The following FRMD4A variants were observed in gnomAD, a reference collection of about 807,000 sequenced individuals.
The protein encoded by FRMD4A is FERM domain-containing protein 4A.
FRMD4A carries 29 observed loss-of-function variants against 129.1 expected under a neutral mutation model. The ratio of observed to expected loss-of-function variants is 0.22; its 90% CI spans 0.17 to 0.31. FRMD4A has a LOEUF of 0.31. Among genes scored for constraint, FRMD4A ranks in the 10% least tolerant of loss-of-function variants. The pLI, the probability that FRMD4A is intolerant of heterozygous loss-of-function variation, is 1.00. For synonymous variants in FRMD4A, 634 were observed against 571.6 expected, an observed-to-expected ratio of 1.11 and a Z score of -1.56; for missense variants, 1,272 against 1,375.8, an observed-to-expected ratio of 0.92 and a Z score of 1.19.
chr10:13,919,735 C>G (rs535947182), intron 2 of FRMD4A, among the ~76,000 whole-genome samples: 1 of 152,008 alleles, frequency 6.6e-6, no homozygotes, highest in South Asian at 2.1e-4. Context: ...GTTAGGAGTT[C>G]GAGACCAGCC....
At chr10:14,328,937 G>A (rs76036565) in intron 2 of FRMD4A, among the ~76,000 whole-genome samples, 1 of 152,176 alleles carries the variant, frequency 6.6e-6, no homozygotes, top group Admixed American at 6.5e-5. Context: ...CCAGTGAAAT[G>A]AGAAGTCAGC....
rs1249483346 is a variant in FRMD4A at position 14,111,597 on chromosome 10, A to G, written c.45+218461T>C. ...GAATTTTAATAAAATTAATCCATCA[A>G]TTCACTGTGGATTAATTCATCCACA... On this transcript the variant is annotated intron_variant, in intron 2 of 24. Transcript: ENST00000357447. Among the ~76,000 whole-genome samples the G allele has an allele frequency of 3.3e-5, 5 of 152,144 alleles. No homozygotes were observed. In the East Asian group the frequency reaches 7.7e-4, roughly 24 times the overall value.
At chr10:14,089,721 C>G (rs1836547616) in intron 2 of FRMD4A, among the ~76,000 whole-genome samples, 1 of 151,832 alleles carries the variant, frequency 6.6e-6, no homozygotes, top group Non-Finnish European at 1.5e-5. Flanking sequence ...GGGAAAATAC[C>G]TCCCCGGCCC....
At chr10:13,848,203 A>T (rs10796138) in intron 3 of FRMD4A, among the ~76,000 whole-genome samples, 4 of 152,158 alleles carry the variant, frequency 2.6e-5, no homozygotes, top group African/African-American at 4.8e-5. Flanking sequence ...GGCACCATAG[A>T]GAGGACATGG....
intron 2 of FRMD4A, among the ~76,000 whole-genome samples, chr10:14,234,719 C>T (rs1843744280): frequency 6.6e-6 from 1 of 152,212 alleles, no homozygotes; most frequent in Non-Finnish European, 1.5e-5. Flanking sequence ...AAAACCAATT[C>T]TCCCGTATTA....
At chr10:13,880,203 C>T (rs1446669862) in intron 2 of FRMD4A, among the ~76,000 whole-genome samples, 3 of 152,082 alleles carry the variant, frequency 2.0e-5, no homozygotes, top group African/African-American at 7.2e-5. Flanking sequence ...GAGTCCCAGA[C>T]GGAATTCCTG....
chr10:14,238,074 G>A (rs749462398), intron 2 of FRMD4A, among the ~76,000 whole-genome samples: 3 of 152,176 alleles, frequency 2.0e-5, no homozygotes, highest in Non-Finnish European at 2.9e-5. Context: ...ACTGCTCCCC[G>A]CTGGAGTCCA....
intron 2 of FRMD4A, among the ~76,000 whole-genome samples, chr10:13,994,311 C>G (rs1031734537): frequency 6.6e-6 from 1 of 151,522 alleles, no homozygotes; most frequent in African/African-American, 2.4e-5. Flanking sequence ...TCCCGAGTAG[C>G]TGGGACTACA....
chr10:13,691,986 C>CATGG (rs2085739714), intron 15 of FRMD4A, among the ~76,000 whole-genome samples: 1 of 152,074 alleles, frequency 6.6e-6, no homozygotes, highest in Non-Finnish European at 1.5e-5. Context: ...ATGGCCAACT[C>CATGG]CCAAGCTTCA....
At chr10:14,308,582 C>T (rs1846431093) in intron 2 of FRMD4A, among the ~76,000 whole-genome samples, 1 of 152,178 alleles carries the variant, frequency 6.6e-6, no homozygotes, top group Non-Finnish European at 1.5e-5. Flanking sequence ...CCTCCTTCCC[C>T]TGGCCCCTAT....
At chr10:14,127,783 C>T (rs2131821179) in intron 2 of FRMD4A, among the ~76,000 whole-genome samples, 1 of 152,292 alleles carries the variant, frequency 6.6e-6, no homozygotes, top group Non-Finnish European at 1.5e-5. Context: ...TACCTTTGGT[C>T]CATCTCCTCC....
chr10:13,975,135 CTGTG>C (rs998789687), intron 2 of FRMD4A, among the ~76,000 whole-genome samples: 1 of 149,182 alleles, frequency 6.7e-6, no homozygotes, highest in Non-Finnish European at 1.5e-5. Context: ...ATGTATGTAC[CTGTG>C]TGTGTGTGTC....
At chr10:13,903,471 G>A (rs12767012) in intron 2 of FRMD4A, among the ~76,000 whole-genome samples, 3,487 of 152,298 alleles carry the variant, frequency 0.023, 57 homozygotes, top group Middle Eastern at 0.031. Context: ...GCTTATGCCT[G>A]TAATTCCAGC....
chr10:13,767,639 G>A (rs923513011), intron 6 of FRMD4A, among the ~76,000 whole-genome samples: 2 of 152,208 alleles, frequency 1.3e-5, no homozygotes, highest in African/African-American at 4.8e-5. Context: ...TGGGATTCTG[G>A]GCTTTCCCCA....
intron 2 of FRMD4A, among the ~76,000 whole-genome samples, chr10:14,296,847 C>T (rs1196932181): frequency 1.3e-5 from 2 of 152,184 alleles, no homozygotes; most frequent in South Asian, 2.1e-4. Flanking sequence ...ATACAACTCC[C>T]TTTCCCCCCA....
At chr10:14,010,641 A>G (rs12779096) in intron 2 of FRMD4A, among the ~76,000 whole-genome samples, 24,481 of 143,126 alleles carry the variant, frequency 0.17, 2,633 homozygotes, top group East Asian at 0.42. Context: ...TTACATATTC[A>G]AAATTAATTG....
At position 13,928,315 on chromosome 10, in the gene FRMD4A, T is replaced by C. The variant is rs890802956; in HGVS notation, c.46-69403A>G. Among the ~76,000 whole-genome samples, 5 of 148,214 alleles carry C rather than the reference T, an allele frequency of 3.4e-5. No homozygotes were observed. The East Asian group carries it at 9.7e-4, about 29-fold the overall frequency. ...GAAAGGCCCAGCCTTACTTAACATATCTTTAGCTGGATTTTTTTTTTTGTT... is the reference window on the plus strand; with the variant it reads ...GAAAGGCCCAGCCTTACTTAACATACCTTTAGCTGGATTTTTTTTTTTGTT... On this transcript the variant is annotated intron_variant, in intron 2 of 24. Coordinates refer to ENST00000357447, the MANE Select transcript of FRMD4A (RefSeq NM_018027.5).
chr10:14,075,466 G>C (rs1331737986), intron 2 of FRMD4A, among the ~76,000 whole-genome samples: 1 of 152,186 alleles, frequency 6.6e-6, no homozygotes, highest in African/African-American at 2.4e-5. Flanking sequence ...ACTAGGAACA[G>C]GGACAGAACT....
intron 2 of FRMD4A, among the ~76,000 whole-genome samples, chr10:13,866,860 A>G (rs1589091411): frequency 6.6e-6 from 1 of 152,296 alleles, no homozygotes; most frequent in South Asian, 2.1e-4. Context: ...AGGCAGGAGA[A>G]TCACTTGAAC....
Sources: gnomAD v4.1 joint callset for allele counts (sites outside exome capture counted in the v4.1 genomes callset) on GRCh38, gnomAD v4.1.1 for gene constraint, MANE v1.5 for transcripts, NCBI Gene and HGNC (gene_info 2026-07-23, HGNC 2026-07-21) for gene names.